The following COL26A1 variants were observed in gnomAD, a reference collection of about 807,000 sequenced individuals.
COL26A1 encodes collagen type XXVI alpha 1 chain.
COL26A1 carries 41 observed loss-of-function variants against 59.3 expected under a neutral mutation model. That is an observed-to-expected ratio of 0.69 (90% confidence interval 0.54 to 0.90). The LOEUF is 0.90. Ranked by LOEUF, COL26A1 falls within the 40% of genes least tolerant of loss-of-function variation. The pLI is 0.00. For missense variants in COL26A1, 612 were observed against 602.3 expected (o/e 1.02, Z -0.17); for synonymous variants, 266 against 256.0 (o/e 1.04, Z -0.37).
intron 1 of COL26A1, among the ~76,000 whole-genome samples, chr7:101,385,768 G>A (rs1011760631): frequency 6.6e-6 from 1 of 151,600 alleles, no homozygotes; most frequent in Non-Finnish European, 1.5e-5. Context: ...GCAGTGGTGC[G>A]ATCTCGGCTC....
intron 5 of COL26A1, among the ~76,000 whole-genome samples, chr7:101,542,827 A>T (rs1434981148): frequency 3.3e-5 from 5 of 152,202 alleles, no homozygotes; most frequent in African/African-American, 7.2e-5. Context: ...GCTGTCCCTA[A>T]GGTCTCACCC....
Position 101,521,234 on chromosome 7 carries a change from C to T in COL26A1, c.386-11848C>T, listed in dbSNP as rs116092617. Among the ~76,000 whole-genome samples, 473 of 152,298 alleles carry T rather than the reference C, an allele frequency of 3.1e-3. 5 individuals are homozygous for T. Among genetic ancestry groups the T allele is most frequent in the African/African-American group, 0.011 (465 of 41,566 alleles). The stretch of plus-strand genomic sequence containing the variant: ...GGAGACCACCCCCATGATCCAGTCA[C>T]CTCCCACCGTGTCCCTCCCTTGATA... On this transcript the variant is annotated intron_variant, in intron 3 of 12. Coordinates refer to ENST00000313669, the MANE Select transcript of COL26A1 (RefSeq NM_001278563.3).
rs1792847606 is a variant in COL26A1, at chr7:101,434,074, C to T, written c.282-13610C>T. Among the ~76,000 whole-genome samples, 5 of 102,216 alleles carry T rather than the reference C, an allele frequency of 4.9e-5. No individual in the cohort carries two copies. In the South Asian group the frequency reaches 2.2e-3, roughly 45 times the overall value. The allele number at this position is 102,216 out of a possible 152,430, so 67.1% of individuals were successfully genotyped here. A position where few individuals can be genotyped will look rare whatever the true frequency, so the allele number is the denominator to read the frequency against. On this transcript the variant is annotated intron_variant, in intron 2 of 12. Coordinates refer to ENST00000313669, the MANE Select transcript of COL26A1 (RefSeq NM_001278563.3). ...CCTCCCTCCCTCCCTCCCTCCCTCC[C>T]TCCCTCCCTCCCTCCCTCTTTCTTT... is the stretch of plus-strand genomic sequence containing the variant.
chr7:101,385,393 C>T (rs952337315), intron 1 of COL26A1, among the ~76,000 whole-genome samples: 10 of 125,632 alleles, frequency 8.0e-5, no homozygotes, highest in Non-Finnish European at 1.1e-4. Context: ...ATATTTGTGA[C>T]GGAGTCTCAC....
intron 4 of COL26A1, among the ~76,000 whole-genome samples, chr7:101,535,961 T>G (rs1209333265): frequency 6.6e-6 from 1 of 152,082 alleles, no homozygotes; most frequent in African/African-American, 2.4e-5. Context: ...TCCCCCGTCT[T>G]GTCTGGAGCA....
chr7:101,389,024 G>A, intron 1 of COL26A1: 1 of 291,420 alleles, frequency 3.4e-6, no homozygotes, highest in South Asian at 3.9e-5. Context: ...TTTTAGCCTT[G>A]AGGTGACCGT....
chr7:101,394,156 G>C (rs778928147), intron 1 of COL26A1, among the ~76,000 whole-genome samples: 2 of 152,252 alleles, frequency 1.3e-5, no homozygotes, highest in Non-Finnish European at 2.9e-5. Context: ...AGGGTAGCAA[G>C]AGGGCCAGAG....
chr7:101,395,099 C>T (rs1477467721), intron 1 of COL26A1, among the ~76,000 whole-genome samples: 2 of 151,958 alleles, frequency 1.3e-5, no homozygotes, highest in East Asian at 3.9e-4. Flanking sequence ...TCTTGAACTA[C>T]TGACCTCAGA....
chr7:101,502,235 A>G (rs528423136), intron 3 of COL26A1, among the ~76,000 whole-genome samples: 3 of 152,234 alleles, frequency 2.0e-5, no homozygotes, highest in African/African-American at 7.2e-5. Context: ...CCAGCTACTC[A>G]GGAGGCTGAG....
chr7:101,545,405 AC>A lies in COL26A1; in HGVS notation c.774del (p.Gly259AlafsTer90). The A allele has an allele frequency of 6.2e-7, 1 of 1,606,220 alleles. No homozygotes were observed. The highest frequency in any genetic ancestry group is 8.5e-7 in the Non-Finnish European group (1 of 1,177,424). On this transcript the variant is annotated frameshift_variant, in exon 7 of 13. Transcript: ENST00000313669. LOFTEE classifies it high-confidence loss of function. ...TGGGGCGCCCCGGCCCCCCAGGACC[AC>A]CCGGCCCAGCAGGCAACCCAGGCCC... ...EMGRPGPPGPPGPAGNPGPSP... is the reference protein window; with the variant it reads ...EMGRPGPPGPXGPAGNPGPSP...
chr7:101,557,040 G>A (rs1795995101), intron 12 of COL26A1, among the ~76,000 whole-genome samples: 1 of 75,404 alleles, frequency 1.3e-5, no homozygotes, highest in South Asian at 3.9e-4. Context: ...TGGATGGATG[G>A]ATGGACGGGC....
At chr7:101,475,509 C>T (rs1157662208) in intron 3 of COL26A1, among the ~76,000 whole-genome samples, 2 of 152,010 alleles carry the variant, frequency 1.3e-5, no homozygotes, top group African/African-American at 4.8e-5. Context: ...GAAGCAGGGG[C>T]TGTTATTTCC....
intron 11 of COL26A1, among the ~76,000 whole-genome samples, chr7:101,554,111 A>C (rs929913088): frequency 6.6e-6 from 1 of 151,904 alleles, no homozygotes; most frequent in Non-Finnish European, 1.5e-5. Flanking sequence ...AGTGAGGGAC[A>C]CAGCTGAGGA....
chr7:101,383,911 C>T (rs1791505497), intron 1 of COL26A1, among the ~76,000 whole-genome samples: 1 of 152,194 alleles, frequency 6.6e-6, no homozygotes, highest in African/African-American at 2.4e-5. Flanking sequence ...CTCAGCTGAT[C>T]TGCCCACCTC....
At chr7:101,501,215 A>T (rs1563014948) in intron 3 of COL26A1, among the ~76,000 whole-genome samples, 1 of 125,758 alleles carries the variant, frequency 8.0e-6, no homozygotes, top group Non-Finnish European at 1.8e-5. Flanking sequence ...AAGAAAAGAA[A>T]AGAAAAAAAA....
chr7:101,557,686 G>A lies in COL26A1; in HGVS notation c.*156G>A. ...GCTTTGGGGACAGATAATGTCTCCA[G>A]GGGCAGGGTCTGGAGGGGCCAACAC... On this transcript the variant is annotated 3_prime_UTR_variant, in exon 13 of 13. Transcript: ENST00000313669. 4 of 763,116 alleles carry A rather than the reference G, an allele frequency of 5.2e-6. No homozygotes were observed. Among genetic ancestry groups the A allele is most frequent in the South Asian group, 4.1e-5 (2 of 48,462 alleles). The allele number at this position is 763,116 out of a possible 1,614,324, so 47.3% of individuals were successfully genotyped here.
intron 11 of COL26A1, among the ~76,000 whole-genome samples, chr7:101,554,676 T>C (rs1174311633): frequency 3.3e-5 from 5 of 151,636 alleles, no homozygotes; most frequent in African/African-American, 1.2e-4. Flanking sequence ...CCCAGGAGGT[T>C]GAGGCTGCAG....
rs550290733 is a variant in COL26A1, at chr7:101,367,773, A to G, written c.158+4583A>G. On this transcript the variant is annotated intron_variant, in intron 1 of 12. Transcript: ENST00000313669. The stretch of plus-strand genomic sequence containing the variant: ...GTGGCTGTCTGCAAACCAGAAAGAG[A>G]ACCCTCACCAGGAACTGAATCTGCC... Among the ~76,000 whole-genome samples, 17 of 152,218 alleles carry G rather than the reference A, an allele frequency of 1.1e-4. No homozygotes were observed. In the South Asian group the frequency reaches 3.3e-3, roughly 30 times the overall value.
intron 2 of COL26A1, among the ~76,000 whole-genome samples, chr7:101,422,049 C>T (rs985487249): frequency 6.6e-6 from 1 of 151,954 alleles, no homozygotes; most frequent in Non-Finnish European, 1.5e-5. Flanking sequence ...CGGTGGCTCA[C>T]GCCTGTAATC....
Sources: allele counts gnomAD v4.1 joint callset (sites outside exome capture counted in the v4.1 genomes callset), GRCh38; gene constraint gnomAD v4.1.1; transcripts MANE v1.5; gene names NCBI Gene and HGNC (gene_info 2026-07-23, HGNC 2026-07-21).